GPCPD1: variants seen among roughly 807,000 people sequenced by gnomAD.
GPCPD1 encodes the protein glycerophosphocholine phosphodiesterase 1, also known as glycerophosphocholine phosphodiesterase GPCPD1.
Under a neutral mutation model 89.2 loss-of-function variants are expected in GPCPD1, and 29 were observed. The observed-to-expected ratio is 0.33, with a 90% CI of 0.24 to 0.44. The LOEUF is 0.44. GPCPD1 is among the 20% of genes least tolerant of loss of function. The pLI is 1.00. For synonymous variants in GPCPD1, 258 were observed against 266.3 expected, an observed-to-expected ratio of 0.97 and a Z score of 0.30; for missense variants, 594 against 808.9, an observed-to-expected ratio of 0.73 and a Z score of 3.22.
intron 19 of GPCPD1, among the ~76,000 whole-genome samples, chr20:5,555,769 G>A (rs1239178589): frequency 1.3e-5 from 2 of 151,414 alleles, no homozygotes; most frequent in East Asian, 2.0e-4. Flanking sequence ...CAGAAGAATC[G>A]CTTGAACCCA....
chr20:5,571,055 T>C lies in GPCPD1; in HGVS notation c.1057-816A>G, dbSNP rs114457564. Among the ~76,000 whole-genome samples the C allele has an allele frequency of 5.3e-3, 811 of 152,322 alleles. 6 individuals are homozygous for C. The highest frequency in any genetic ancestry group is 0.018 in the African/African-American group (765 of 41,568). ...AGCTGCGATAGAAGGAAGCAAGGTT[T>C]GAAAATTCTGTAACACTACTTTACT... On this transcript the variant is annotated intron_variant, in intron 11 of 19. Transcript: ENST00000379019.
At chr20:5,608,578 A>G (rs1297520260) in intron 1 of GPCPD1, among the ~76,000 whole-genome samples, 1 of 151,814 alleles carries the variant, frequency 6.6e-6, no homozygotes, top group Non-Finnish European at 1.5e-5. Context: ...TTGTGAAACA[A>G]AAAATGTATG....
At position 5,575,464 on chromosome 20, in the gene GPCPD1, A is replaced by T; in HGVS notation, c.950T>A (p.Ile317Lys). The change falls in exon 10 of 20, where the codon ATA (isoleucine) becomes AAA (lysine). Residue 317 changes from isoleucine to lysine, a missense_variant. Ile to Lys is a moderately radical substitution (Grantham distance 102). Coordinates refer to ENST00000379019, the MANE Select transcript of GPCPD1 (RefSeq NM_019593.5). The part of the protein sequence containing the change: ...SSFSKYWKPR[I>K]PLDVGHRGAG... Reference sequence around the variant, plus strand: ...ACCTCGATGGCCAACATCCAATGGTATTCTTGGCTTCCAATACTTGGAAAA... The same window carrying T: ...ACCTCGATGGCCAACATCCAATGGTTTTCTTGGCTTCCAATACTTGGAAAA... 6.2e-7 allele frequency: 1 copy of T among 1,606,024 alleles called. No homozygotes were observed. The highest frequency in any genetic ancestry group is 8.5e-7 in the Non-Finnish European group (1 of 1,172,636).
chr20:5,571,614 T>C (rs1293356722), intron 11 of GPCPD1, among the ~76,000 whole-genome samples: 1 of 152,076 alleles, frequency 6.6e-6, no homozygotes, highest in African/African-American at 2.4e-5. Flanking sequence ...AAAGCACATA[T>C]CTAAAAATTA....
chr20:5,604,952 C>T (rs1980476189), intron 1 of GPCPD1, among the ~76,000 whole-genome samples: 1 of 149,804 alleles, frequency 6.7e-6, no homozygotes, highest in African/African-American at 2.5e-5. Flanking sequence ...GACCCTGTCT[C>T]GAAAAAAACA....
chr20:5,567,754 G>A (rs973015231), intron 12 of GPCPD1, 194 bp from the exon 13 acceptor site: 41 of 460,158 alleles, frequency 8.9e-5, no homozygotes, highest in Non-Finnish European at 1.4e-4. Flanking sequence ...CCACCTCCCA[G>A]CCCTTATATT....
chr20:5,596,008 T>TAATGCGATCCCTGGTAAAGAACCACTA (rs1979697673), intron 3 of GPCPD1, among the ~76,000 whole-genome samples: 1 of 152,180 alleles, frequency 6.6e-6, no homozygotes, highest in Admixed American at 6.5e-5. Context: ...CAAGTGATTC[T>TAATGCGATCCCTGGTAAAGAACCACTA]AATGCGATCC....
chr20:5,575,155 T>TCA (rs1978286291), intron 10 of GPCPD1, among the ~76,000 whole-genome samples: 1 of 152,140 alleles, frequency 6.6e-6, no homozygotes, highest in Admixed American at 6.5e-5. Flanking sequence ...ACACACACAC[T>TCA]GATGCTCCCA....
chr20:5,558,886 T>G, intron 17 of GPCPD1, 67 bp from the exon 18 acceptor site: 2 of 1,182,438 alleles, frequency 1.7e-6, no homozygotes, highest in Non-Finnish European at 2.4e-6. Flanking sequence ...TTTTGGAATT[T>G]TAGAAAACAC....
chr20:5,582,212 A>AC (rs1568664979), intron 6 of GPCPD1, among the ~76,000 whole-genome samples: 1 of 147,218 alleles, frequency 6.8e-6, no homozygotes, highest in Non-Finnish European at 1.5e-5. Flanking sequence ...AAAAAAAAAA[A>AC]AAAAAAACTA....
intron 2 of GPCPD1, among the ~76,000 whole-genome samples, chr20:5,600,998 T>A (rs536577563): frequency 8.5e-4 from 129 of 151,088 alleles, no homozygotes; most frequent in African/African-American, 2.5e-3. Context: ...TCGAAAAAAA[T>A]TTTTTTTAAA....
chr20:5,583,987 C>T (rs1434678169), intron 6 of GPCPD1, among the ~76,000 whole-genome samples: 1 of 152,090 alleles, frequency 6.6e-6, no homozygotes, highest in African/African-American at 2.4e-5. Flanking sequence ...TTTTTGGATC[C>T]AGTCTCTATT....
At position 5,575,855 on chromosome 20, in the gene GPCPD1, T is replaced by C. The variant is rs770101039; in HGVS notation, c.829A>G (p.Met277Val). 1.2e-6 allele frequency: 2 copies of C among 1,611,214 alleles called. No homozygotes were observed. Among genetic ancestry groups the C allele is most frequent in the South Asian group, 1.1e-5 (1 of 90,936 alleles). Residue 277 changes from methionine (M) to valine (V), a missense_variant, in exon 9 of 20, where the codon ATG (methionine) becomes GTG (valine). Transcript: ENST00000379019. ...ATTGTTTTCCGGGAATTTCTGCTCA[T>C]GATGGGAAGAGTAAGAATTCCAGCA... ...KSAGILTLPI[M>V]SRNSRKTIGK... is the part of the protein sequence containing the mutation.
intron 2 of GPCPD1, among the ~76,000 whole-genome samples, chr20:5,601,520 C>T (rs1283159080): frequency 2.0e-5 from 3 of 151,888 alleles, no homozygotes; most frequent in East Asian, 1.9e-4. Flanking sequence ...AGGCACGCAC[C>T]ATCATGCCCG....
intron 3 of GPCPD1, among the ~76,000 whole-genome samples, chr20:5,597,750 A>G (rs975959320): frequency 6.6e-6 from 1 of 152,214 alleles, no homozygotes; most frequent in Admixed American, 6.5e-5. Flanking sequence ...ACTGAGGCCT[A>G]CAGACATCAG....
chr20:5,550,400 G>A (rs959068149), intron 19 of GPCPD1, among the ~76,000 whole-genome samples: 7 of 151,662 alleles, frequency 4.6e-5, no homozygotes, highest in African/African-American at 1.7e-4. Flanking sequence ...AAATTGAAAG[G>A]GTCAAAAATC....
chr20:5,576,045 AC>A, intron 8 of GPCPD1, 67 bp from the exon 9 acceptor site: 1 of 621,354 alleles, frequency 1.6e-6, no homozygotes, highest in African/African-American at 1.8e-5. Context: ...ACATATACAC[AC>A]ACACACACAC....
intron 11 of GPCPD1, 72 bp from the exon 12 acceptor site, chr20:5,570,311 G>A: frequency 1.5e-6 from 1 of 683,594 alleles, no homozygotes; most frequent in East Asian, 3.1e-5. Context: ...AAGAACGTAA[G>A]AAATTTTTGT....
intron 2 of GPCPD1, among the ~76,000 whole-genome samples, chr20:5,603,421 G>A (rs191234235): frequency 3.9e-4 from 60 of 152,290 alleles, no homozygotes; most frequent in African/African-American, 1.4e-3. Flanking sequence ...GGGGACAGGG[G>A]AGAGAAGAGA....
Sources: gnomAD v4.1 joint callset for allele counts (sites outside exome capture counted in the v4.1 genomes callset) on GRCh38, gnomAD v4.1.1 for gene constraint, MANE v1.5 for transcripts, NCBI Gene and HGNC (gene_info 2026-07-23, HGNC 2026-07-21) for gene names.